PTPRT: variants seen among roughly 807,000 people sequenced by gnomAD.
PTPRT encodes the protein receptor-type tyrosine-protein phosphatase T.
A neutral mutation model predicts 176.8 loss-of-function variants in PTPRT; 56 were observed. That is an observed-to-expected ratio of 0.32 (90% CI 0.26 to 0.40). The LOEUF is 0.40. Ranked by LOEUF, PTPRT falls within the 10% of genes least tolerant of loss-of-function variation. PTPRT has a pLI of 1.00. For synonymous variants in PTPRT, 783 were observed against 739.0 expected (o/e 1.06, Z -0.96); for missense variants, 1,540 against 1,908.2 (o/e 0.81, Z 3.60).
At chr20:42,455,235 CTTTCTGTACT>C (rs1389513696) in intron 8 of PTPRT, among the ~76,000 whole-genome samples, 1 of 152,188 alleles carries the variant, frequency 6.6e-6, no homozygotes, top group Non-Finnish European at 1.5e-5. Flanking sequence ...AATACTTTCT[CTTTCTGTACT>C]TGTCTTGTTA....
At chr20:42,760,151 G>T (rs1207884730) in intron 5 of PTPRT, among the ~76,000 whole-genome samples, 1 of 152,124 alleles carries the variant, frequency 6.6e-6, no homozygotes, top group African/African-American at 2.4e-5. Flanking sequence ...TTGACGGAGG[G>T]CAGCTCTCTG....
intron 6 of PTPRT, among the ~76,000 whole-genome samples, chr20:42,738,228 C>T (rs890185257): frequency 2.0e-5 from 3 of 152,110 alleles, no homozygotes; most frequent in African/African-American, 7.2e-5. Context: ...GAATGACATT[C>T]TTGGCTGGGC....
rs958998907 is a variant in PTPRT, at chr20:42,897,128, T to C, written c.89-11196A>G. ...GCTTTAACAAATCCAATTAGTAGAA[T>C]GTTTTATAAAGTCATCCAATGTCAT... On this transcript the variant is annotated intron_variant, in intron 1 of 30. Coordinates refer to ENST00000373187, the MANE Select transcript of PTPRT (RefSeq NM_007050.6). 3.3e-5 allele frequency among the ~76,000 whole-genome samples: 5 copies of C among 152,362 alleles called. No homozygotes were observed. The South Asian group carries it at 6.2e-4, about 19-fold the overall frequency.
chr20:42,308,339 T>C (rs1378945975), intron 12 of PTPRT, among the ~76,000 whole-genome samples: 1 of 151,990 alleles, frequency 6.6e-6, no homozygotes, highest in Non-Finnish European at 1.5e-5. Flanking sequence ...GACAAAACCA[T>C]GTATGAGAAG....
At chr20:42,465,628 A>G (rs140468034) in intron 8 of PTPRT, among the ~76,000 whole-genome samples, 149 of 152,280 alleles carry the variant, frequency 9.8e-4, no homozygotes, top group Middle Eastern at 3.4e-3. Flanking sequence ...TTTTTTTGCA[A>G]AAAGAACTCT....
At position 42,084,737 on chromosome 20, in the gene PTPRT, C is replaced by T. The variant is rs1417250081; in HGVS notation, c.4081G>A (p.Glu1361Lys). Residue 1361 changes from glutamate to lysine, a missense_variant, in exon 29 of 31, where the codon GAG becomes AAG. By Grantham distance (56) the Glu-to-Lys change is moderately conservative (BLOSUM62 1). This residue lies in a region of PTPRT where 342 missense variants were observed against 394.0 expected (regional missense o/e 0.87). Coordinates refer to ENST00000373187, the MANE Select transcript of PTPRT (RefSeq NM_007050.6). ...CCGTCATACTGCTCCTGCCACTTCT[C>T]CAGTCGTCGGACCACTTTGAGCAGA... ...RSLLKVVRRL[E>K]KWQEQYDGRE... 6.4e-7 allele frequency: 1 copy of T among 1,569,226 alleles called. No homozygotes were observed. The highest frequency in any genetic ancestry group is 8.7e-7 in the Non-Finnish European group (1 of 1,154,630).
chr20:42,156,917 A>G (rs1989378900), intron 17 of PTPRT, among the ~76,000 whole-genome samples: 1 of 152,230 alleles, frequency 6.6e-6, no homozygotes, highest in African/African-American at 2.4e-5. Flanking sequence ...AGAAGGAAGT[A>G]AGGTCAGATC....
chr20:42,496,967 G>T (rs2071665787), intron 7 of PTPRT, among the ~76,000 whole-genome samples: 1 of 152,062 alleles, frequency 6.6e-6, no homozygotes, highest in African/African-American at 2.4e-5. Context: ...TGCCTGTGAT[G>T]TTCAACTCAT....
chr20:42,538,540 T>G (rs1024284650), intron 7 of PTPRT, among the ~76,000 whole-genome samples: 1 of 152,216 alleles, frequency 6.6e-6, no homozygotes, highest in Non-Finnish European at 1.5e-5. Flanking sequence ...TAATTGCCAC[T>G]AATGTGATTA....
intron 1 of PTPRT, among the ~76,000 whole-genome samples, chr20:42,897,044 T>A (rs1182353967): frequency 6.6e-6 from 1 of 152,154 alleles, no homozygotes; most frequent in Admixed American, 6.5e-5. Flanking sequence ...CACCATTACA[T>A]CTAATTCAGT....
chr20:42,122,049 A>C (rs749786198), intron 19 of PTPRT, among the ~76,000 whole-genome samples: 20 of 152,184 alleles, frequency 1.3e-4, no homozygotes, highest in Non-Finnish European at 2.1e-4. Flanking sequence ...GAGAGGGATG[A>C]GAAATAATTT....
rs565519236 is a variant in PTPRT, at chr20:42,092,162, G to T, written c.3846+6259C>A. On this transcript the variant is annotated intron_variant, in intron 27 of 30. Coordinates refer to ENST00000373187, the MANE Select transcript of PTPRT (RefSeq NM_007050.6). Reference sequence around the variant, plus strand: ...TTGGGCAACAGGGTCAGGGGAAGATGTGTTACTGCTAGTGAGAGCTGAGGA... The same window carrying T: ...TTGGGCAACAGGGTCAGGGGAAGATTTGTTACTGCTAGTGAGAGCTGAGGA... Among the ~76,000 whole-genome samples the T allele has an allele frequency of 6.6e-5, 10 of 152,314 alleles. No homozygotes were observed. In the South Asian group the frequency reaches 2.1e-3, roughly 32 times the overall value.
chr20:42,979,988 G>C lies in PTPRT; in HGVS notation c.89-94056C>G, dbSNP rs1038747942. On this transcript the variant is annotated intron_variant, in intron 1 of 30. Coordinates refer to ENST00000373187, the MANE Select transcript of PTPRT (RefSeq NM_007050.6). ...GCAAGTATGCCGGCCGGGAAGGGGGGGTGGGGGGGGGTCTTCCTGAGAGAA... is the reference window on the plus strand; with the variant it reads ...GCAAGTATGCCGGCCGGGAAGGGGGCGTGGGGGGGGGTCTTCCTGAGAGAA... Among the ~76,000 whole-genome samples the C allele has an allele frequency of 2.4e-3, 277 of 113,236 alleles. 1 individual carries two copies. The highest frequency in any genetic ancestry group is 3.8e-3 in the Non-Finnish European group (212 of 55,740). 74.3% of individuals were successfully genotyped at this position (113,236 alleles called of 152,430 possible). A position where few individuals can be genotyped will look rare whatever the true frequency, so the allele number is the denominator to read the frequency against.
intron 1 of PTPRT, among the ~76,000 whole-genome samples, chr20:43,134,516 C>G (rs2013761125): frequency 6.6e-6 from 1 of 152,194 alleles, no homozygotes; most frequent in African/African-American, 2.4e-5. Flanking sequence ...TGGTAATTTT[C>G]TATCCACTGA....
At chr20:42,722,441 C>A (rs2076318195) in intron 6 of PTPRT, among the ~76,000 whole-genome samples, 1 of 152,184 alleles carries the variant, frequency 6.6e-6, no homozygotes, top group Non-Finnish European at 1.5e-5. Flanking sequence ...CTTCTCTGAT[C>A]TGACATTGGA....
chr20:42,619,729 A>G (rs189828131), intron 7 of PTPRT, among the ~76,000 whole-genome samples: 2,897 of 131,708 alleles, frequency 0.022, 408 homozygotes, highest in African/African-American at 0.093. Flanking sequence ...CCAGTTGATC[A>G]CATCGGCTCC....
At chr20:43,041,212 G>A (rs989958716) in intron 1 of PTPRT, among the ~76,000 whole-genome samples, 2 of 152,242 alleles carry the variant, frequency 1.3e-5, no homozygotes, top group African/African-American at 4.8e-5. Flanking sequence ...CCAGGGCTGG[G>A]ATCTGAACTC....
chr20:42,576,170 G>A (rs567017552), intron 7 of PTPRT, among the ~76,000 whole-genome samples: 1 of 152,226 alleles, frequency 6.6e-6, no homozygotes, highest in African/African-American at 2.4e-5. Flanking sequence ...TTTGTCCCTA[G>A]ATAATCTGGC....
intron 7 of PTPRT, among the ~76,000 whole-genome samples, chr20:42,535,020 C>G (rs776349044): frequency 6.6e-6 from 1 of 152,056 alleles, no homozygotes; most frequent in African/African-American, 2.4e-5. Context: ...CCCTATTATG[C>G]GGATAAGAAA....
Sources: allele counts gnomAD v4.1 joint callset (sites outside exome capture counted in the v4.1 genomes callset), GRCh38; gene constraint gnomAD v4.1.1; regional missense constraint gnomAD v4.1.1; transcripts MANE v1.5; gene names NCBI Gene and HGNC (gene_info 2026-07-23, HGNC 2026-07-21).